SERPINE2: variants seen among roughly 807,000 people sequenced by gnomAD.
SERPINE2 encodes the protein glia-derived nexin.
A neutral mutation model predicts 36.3 loss-of-function variants in SERPINE2; 14 were observed. The observed-to-expected ratio is 0.39, with a 90% CI of 0.25 to 0.60. The LOEUF (loss-of-function observed/expected upper bound fraction) is 0.60. Among genes scored for constraint, SERPINE2 ranks in the 20% least tolerant of loss-of-function variants. SERPINE2 has a pLI of 0.57. For missense variants in SERPINE2, 418 were observed against 499.6 expected (o/e 0.84, Z 1.56); for synonymous variants, 192 against 191.8 (o/e 1.00, Z -0.01).
chr2:224,030,219 A>G (rs1444843564), intron 1 of SERPINE2: 5 of 985,438 alleles, frequency 5.1e-6, no homozygotes, highest in Non-Finnish European at 6.0e-6. Context: ...TGCGGGCAGG[A>G]CAGATGACCA....
intron 2 of SERPINE2, among the ~76,000 whole-genome samples, chr2:224,000,040 G>GC (rs1691048783): frequency 2.0e-5 from 3 of 152,340 alleles, no homozygotes; most frequent in Admixed American, 2.0e-4. Flanking sequence ...GGTGCTGGCA[G>GC]CCCTGGAGGC....
chr2:224,009,815 G>A (rs1183210087), intron 1 of SERPINE2, among the ~76,000 whole-genome samples: 1 of 152,160 alleles, frequency 6.6e-6, no homozygotes, highest in Non-Finnish European at 1.5e-5. Context: ...TTTCTCATCA[G>A]TACTTTGCCA....
At chr2:223,981,554 G>A (rs887826507) in intron 6 of SERPINE2, 5 of 152,208 alleles carry the variant, frequency 3.3e-5, no homozygotes, top group African/African-American at 1.2e-4. Flanking sequence ...GTTCACCAGG[G>A]GAGTCATGTT....
chr2:224,008,984 G>A (rs1375343238), intron 1 of SERPINE2, among the ~76,000 whole-genome samples: 1 of 152,152 alleles, frequency 6.6e-6, no homozygotes, highest in African/African-American at 2.4e-5. Flanking sequence ...AGGGAGGCTC[G>A]CTGGATGATG....
At chr2:223,991,301 C>T (rs1475437844) in intron 4 of SERPINE2, among the ~76,000 whole-genome samples, 7 of 152,272 alleles carry the variant, frequency 4.6e-5, no homozygotes, top group Middle Eastern at 3.4e-3. Context: ...GCCAGGACCC[C>T]GAGGAAGTCC....
intron 1 of SERPINE2, among the ~76,000 whole-genome samples, chr2:224,003,650 A>T (rs1465961655): frequency 6.6e-6 from 1 of 152,180 alleles, no homozygotes; most frequent in East Asian, 1.9e-4. Flanking sequence ...GACAAGTAAG[A>T]GGTAGGAAAT....
rs188240448 is a variant in SERPINE2 at position 224,014,618 on chromosome 2, T to C, written c.-22-12696A>G. 3.2e-3 allele frequency among the ~76,000 whole-genome samples: 489 copies of C among 152,246 alleles called. 7 individuals are homozygous for C. The highest frequency in any genetic ancestry group is 0.011 in the African/African-American group (455 of 41,552). ...TTTATCTCGGCACTACTGACATAAC[T>C]CTTCAGTGTGGGGGCTGTCTTGGGT... On this transcript the variant is annotated intron_variant, in intron 1 of 8. Coordinates refer to ENST00000409304, the MANE Select transcript of SERPINE2 (RefSeq NM_001136528.2).
intron 1 of SERPINE2, among the ~76,000 whole-genome samples, chr2:224,034,080 A>T (rs1692462675): frequency 6.6e-6 from 1 of 152,250 alleles, no homozygotes; most frequent in Admixed American, 6.5e-5. Context: ...GGTTTAGTTC[A>T]GACATCTGTT....
Position 223,991,912 on chromosome 2 carries a change from C to T in SERPINE2, c.576G>A (p.Leu192=). The T allele has an allele frequency of 6.2e-7, 1 of 1,613,002 alleles. No individual in the cohort carries two copies. The highest frequency in any genetic ancestry group is 2.2e-5 in the East Asian group (1 of 44,880). ...VLVNAVYFKG[L]WKSRFQPENT... ...TCTCGGGTTGGAACCGTGATTTCCA[C>T]AGACCCTTGAAATACACTGCGTTGA... Residue 192 remains leucine, a synonymous_variant, in exon 4 of 9, where the codon CTG becomes CTA. Coordinates refer to ENST00000409304, the MANE Select transcript of SERPINE2 (RefSeq NM_001136528.2).
chr2:224,015,795 A>C (rs1327457219), intron 1 of SERPINE2, among the ~76,000 whole-genome samples: 1 of 152,232 alleles, frequency 6.6e-6, no homozygotes, highest in Non-Finnish European at 1.5e-5. Flanking sequence ...AAACTGATCA[A>C]TTGGACCTCA....
At chr2:224,037,136 A>G (rs1299957498) in intron 1 of SERPINE2, among the ~76,000 whole-genome samples, 1 of 152,212 alleles carries the variant, frequency 6.6e-6, no homozygotes, top group African/African-American at 2.4e-5. Context: ...TTTACCACCT[A>G]TGAGTATCCA....
Position 224,001,662 on chromosome 2 carries a change from A to C in SERPINE2, c.239T>G (p.Val80Gly), listed in dbSNP as rs1574829576. 1 of 1,613,908 alleles carries C rather than the reference A, an allele frequency of 6.2e-7. No homozygotes were observed. The highest frequency in any genetic ancestry group is 1.1e-5 in the South Asian group (1 of 91,082). The change falls in exon 2 of 9, where the codon GTG becomes GGG. Residue 80 changes from valine to glycine, a missense_variant. Val to Gly is a moderately radical substitution (Grantham distance 109). Coordinates refer to ENST00000409304, the MANE Select transcript of SERPINE2 (RefSeq NM_001136528.2). The part of the protein sequence containing the change: ...DGRTKKQLAM[V>G]MRYGVNGVGK... The stretch of plus-strand genomic sequence containing the variant: ...CGCACCATTTACGCCGTATCTCATC[A>C]CCATGGCGAGCTGCTTCTTGGTCCT...
At chr2:224,026,633 GAC>G (rs1692195854) in intron 1 of SERPINE2, among the ~76,000 whole-genome samples, 1 of 152,142 alleles carries the variant, frequency 6.6e-6, no homozygotes, top group South Asian at 2.1e-4. Context: ...TTTTGCTTCA[GAC>G]ACAGTTTCCA....
intron 1 of SERPINE2, among the ~76,000 whole-genome samples, chr2:224,008,556 G>A (rs767040106): frequency 1.3e-5 from 2 of 152,172 alleles, no homozygotes; most frequent in Admixed American, 6.5e-5. Context: ...TGCTCAAAAT[G>A]AGCCTCTTCA....
chr2:224,031,057 C>T, intron 1 of SERPINE2: 4 of 985,310 alleles, frequency 4.1e-6, no homozygotes, highest in Non-Finnish European at 4.8e-6. Context: ...AGGAGGTAGT[C>T]TTGAAAGGAG....
At chr2:224,020,752 C>T (rs974580963) in intron 1 of SERPINE2, among the ~76,000 whole-genome samples, 1 of 152,144 alleles carries the variant, frequency 6.6e-6, no homozygotes, top group African/African-American at 2.4e-5. Flanking sequence ...TTTTCTGCAG[C>T]TAATTGAAAA....
chr2:223,992,633 A>C (rs989187743), intron 3 of SERPINE2, among the ~76,000 whole-genome samples: 2 of 152,232 alleles, frequency 1.3e-5, no homozygotes, highest in African/African-American at 4.8e-5. Context: ...GTCAGGCATC[A>C]AGCAAGGTGC....
chr2:223,975,932 G>T, intron 8 of SERPINE2, 28 bp from the exon 9 acceptor site: 1 of 1,572,682 alleles, frequency 6.4e-7, no homozygotes, highest in South Asian at 1.2e-5. Context: ...AACAATGCAT[G>T]ACTCTGTAAA....
At chr2:224,002,051 A>C in intron 1 of SERPINE2, 129 bp from the exon 2 acceptor site, 1 of 823,922 alleles carries the variant, frequency 1.2e-6, no homozygotes, top group Non-Finnish European at 1.8e-6. Context: ...ATCTCAGCTC[A>C]CTGCAACCTC....
Sources: gnomAD v4.1 joint callset for allele counts (sites outside exome capture counted in the v4.1 genomes callset) on GRCh38, gnomAD v4.1.1 for gene constraint, MANE v1.5 for transcripts, NCBI Gene and HGNC (gene_info 2026-07-23, HGNC 2026-07-21) for gene names.